Variants in SEMA5A observed in about 807,000 individuals in gnomAD.
The protein encoded by SEMA5A is semaphorin-5A.
Under a neutral mutation model 135.5 loss-of-function variants are expected in SEMA5A, and 55 were observed. The observed-to-expected ratio is 0.41, with a 90% CI of 0.33 to 0.51. The LOEUF (loss-of-function observed/expected upper bound fraction) is 0.51, where lower values mean the gene tolerates loss of function less well. Among genes scored for constraint, SEMA5A ranks in the 20% least tolerant of loss-of-function variants. The probability of loss-of-function intolerance (pLI) is 0.37; values close to 1 mark genes in which losing one functional copy is unlikely to be tolerated. For synonymous variants in SEMA5A, 580 were observed against 546.5 expected (o/e 1.06, Z -0.85); for missense variants, 1,290 against 1,419.9 (o/e 0.91, Z 1.47).
intron 1 of SEMA5A, among the ~76,000 whole-genome samples, chr5:9,480,111 G>A (rs1263190424): frequency 6.6e-6 from 1 of 152,072 alleles, no homozygotes; most frequent in Non-Finnish European, 1.5e-5. Context: ...AGCATCCTTG[G>A]CCTCTGCACA....
chr5:9,100,457 G>A (rs575260927), intron 16 of SEMA5A, among the ~76,000 whole-genome samples: 3 of 152,232 alleles, frequency 2.0e-5, no homozygotes, highest in South Asian at 2.1e-4. Context: ...CAGCCTGGGT[G>A]CATCCTCAAC....
At chr5:9,093,960 C>T (rs534424694) in intron 16 of SEMA5A, among the ~76,000 whole-genome samples, 1 of 152,236 alleles carries the variant, frequency 6.6e-6, no homozygotes, top group East Asian at 1.9e-4. Context: ...CTGTTGGTGC[C>T]CTTGACCCTC....
At chr5:9,432,014 A>C (rs1361730202) in intron 2 of SEMA5A, among the ~76,000 whole-genome samples, 1 of 152,228 alleles carries the variant, frequency 6.6e-6, no homozygotes. Flanking sequence ...GAAAAGGCCC[A>C]AATCTCAAAC....
chr5:9,192,985 G>A (rs1181030345), intron 10 of SEMA5A, among the ~76,000 whole-genome samples: 2 of 150,260 alleles, frequency 1.3e-5, no homozygotes, highest in Non-Finnish European at 3.0e-5. Flanking sequence ...CGGTGGCAGG[G>A]GTGAGGCAGG....
intron 2 of SEMA5A, among the ~76,000 whole-genome samples, chr5:9,406,278 A>G (rs1052192786): frequency 6.6e-6 from 1 of 152,230 alleles, no homozygotes; most frequent in African/African-American, 2.4e-5. Context: ...AAATAAAGAA[A>G]AGATAACACA....
intron 16 of SEMA5A, among the ~76,000 whole-genome samples, chr5:9,067,034 A>T (rs1737513790): frequency 6.6e-6 from 1 of 152,172 alleles, no homozygotes; most frequent in Admixed American, 6.5e-5. Flanking sequence ...AAACCTCACA[A>T]TATTCAGTTT....
In SEMA5A at chr5:9,184,430, T is replaced by C. The variant is rs1016995235; in HGVS notation, c.1273+5837A>G. On this transcript the variant is annotated intron_variant, in intron 11 of 22. Coordinates refer to ENST00000382496, the MANE Select transcript of SEMA5A (RefSeq NM_003966.3). Reference sequence around the variant, plus strand: ...AGGGTAATTTTCTCCAATAGTGTCTTTGGGCACAAGTTTTTAGCTCCACAG... The same window carrying C: ...AGGGTAATTTTCTCCAATAGTGTCTCTGGGCACAAGTTTTTAGCTCCACAG... Among the ~76,000 whole-genome samples, 23 of 152,314 alleles carry C rather than the reference T, an allele frequency of 1.5e-4. No homozygotes were observed. In the South Asian group the frequency reaches 3.7e-3, roughly 25 times the overall value.
At chr5:9,069,721 A>G (rs1481775043) in intron 16 of SEMA5A, among the ~76,000 whole-genome samples, 1 of 152,138 alleles carries the variant, frequency 6.6e-6, no homozygotes, top group Admixed American at 6.6e-5. Flanking sequence ...GGCCTGCATG[A>G]TCTCTACATC....
chr5:9,442,422 G>A (rs1482912957), intron 1 of SEMA5A, among the ~76,000 whole-genome samples: 1 of 152,224 alleles, frequency 6.6e-6, no homozygotes, highest in African/African-American at 2.4e-5. Context: ...CTCGTGACTA[G>A]CCTCTCCTGG....
At chr5:9,393,782 G>A (rs1387730119) in intron 2 of SEMA5A, among the ~76,000 whole-genome samples, 2 of 152,150 alleles carry the variant, frequency 1.3e-5, no homozygotes, top group Non-Finnish European at 2.9e-5. Flanking sequence ...GTGAGAATGT[G>A]CTGCCTTAGC....
chr5:9,108,829 T>C (rs1740067764), intron 15 of SEMA5A, among the ~76,000 whole-genome samples: 1 of 152,152 alleles, frequency 6.6e-6, no homozygotes, highest in Admixed American at 6.5e-5. Flanking sequence ...TTAAATTTAT[T>C]TGTAGGCTCT....
chr5:9,229,094 T>C (rs948054164), intron 6 of SEMA5A, among the ~76,000 whole-genome samples: 3 of 152,182 alleles, frequency 2.0e-5, no homozygotes, highest in Admixed American at 6.5e-5. Flanking sequence ...CTGGCTCAGA[T>C]TGGCTTCTAA....
chr5:9,310,959 T>C (rs1040997639), intron 5 of SEMA5A, among the ~76,000 whole-genome samples: 14 of 151,860 alleles, frequency 9.2e-5, no homozygotes, highest in African/African-American at 2.9e-4. Context: ...CATATATACA[T>C]AGAAATCTAA....
At chr5:9,249,756 T>A (rs2150485202) in intron 5 of SEMA5A, among the ~76,000 whole-genome samples, 1 of 152,208 alleles carries the variant, frequency 6.6e-6, no homozygotes, top group East Asian at 1.9e-4. Flanking sequence ...GAACATTTCT[T>A]AGGGAGGTCA....
intron 11 of SEMA5A, among the ~76,000 whole-genome samples, chr5:9,186,665 G>A (rs42354): frequency 0.43 from 65,324 of 151,974 alleles, 14,547 homozygotes; most frequent in Non-Finnish European, 0.5. Flanking sequence ...CTCAATATCA[G>A]ATTCTTTTTT....
At chr5:9,187,684 T>C (rs992194837) in intron 11 of SEMA5A, among the ~76,000 whole-genome samples, 3 of 152,224 alleles carry the variant, frequency 2.0e-5, no homozygotes, top group African/African-American at 7.2e-5. Flanking sequence ...TACAACACAA[T>C]TGAATTTGTA....
chr5:9,101,630 T>C (rs968603667), intron 16 of SEMA5A, among the ~76,000 whole-genome samples: 3 of 152,214 alleles, frequency 2.0e-5, no homozygotes, highest in Non-Finnish European at 4.4e-5. Context: ...TATAAAATGG[T>C]ATTTTCATGA....
At chr5:9,193,393 T>G (rs1355440313) in intron 10 of SEMA5A, among the ~76,000 whole-genome samples, 2 of 152,194 alleles carry the variant, frequency 1.3e-5, no homozygotes, top group African/African-American at 4.8e-5. Flanking sequence ...TGCCAACATC[T>G]CTTCAAGTAA....
chr5:9,465,219 T>C (rs527683169), intron 1 of SEMA5A, among the ~76,000 whole-genome samples: 1 of 152,348 alleles, frequency 6.6e-6, no homozygotes, highest in Admixed American at 6.5e-5. Flanking sequence ...CCTGTGAAAC[T>C]TTCTGCTTAT....
Sources: allele counts gnomAD v4.1 joint callset (sites outside exome capture counted in the v4.1 genomes callset), GRCh38; gene constraint gnomAD v4.1.1; transcripts MANE v1.5; gene names NCBI Gene and HGNC (gene_info 2026-07-23, HGNC 2026-07-21).